CEP43: variants seen among roughly 807,000 people sequenced by gnomAD.
CEP43 encodes centrosomal protein 43, also known as FGFR1 oncogene partner.
A neutral mutation model predicts 52.6 loss-of-function variants in CEP43; 36 were observed. That is an observed-to-expected ratio of 0.68 (90% CI 0.52 to 0.90). The LOEUF is 0.90. Among genes scored for constraint, CEP43 ranks in the 40% least tolerant of loss-of-function variants. CEP43 has a pLI of 0.00. For missense variants in CEP43, 506 were observed against 472.8 expected (o/e 1.07, Z -0.65); for synonymous variants, 192 against 172.4 (o/e 1.11, Z -0.89).
intron 10 of CEP43, chr6:167,027,826 T>A: frequency 2.0e-6 from 2 of 977,306 alleles, no homozygotes; most frequent in South Asian, 9.5e-5. Flanking sequence ...GCCTAGTAAA[T>A]GTTAGTTTTC....
intron 1 of CEP43, 22 bp downstream of exon 1, chr6:166,999,536 G>A: frequency 1.4e-6 from 2 of 1,386,008 alleles, no homozygotes; most frequent in South Asian, 3.2e-5. Flanking sequence ...GGCTGGGGCC[G>A]GGCCTGGCGG....
chr6:167,040,992 C>T lies in CEP43; in HGVS notation c.*1014C>T. The T allele has an allele frequency of 9.8e-7, 1 of 1,025,084 alleles. No individual in the cohort carries two copies. Among genetic ancestry groups the T allele is most frequent in the Non-Finnish European group, 1.2e-6 (1 of 852,890 alleles). 63.5% of individuals were successfully genotyped at this position (1,025,084 alleles called of 1,614,324 possible). On this transcript the variant is annotated 3_prime_UTR_variant, in exon 13 of 13. Coordinates refer to ENST00000366847, the MANE Select transcript of CEP43 (RefSeq NM_007045.4). ...ATGTAGGTCACGGATGTTTATAATA[C>T]TAAAGTATTTTAAAATGTGCAAGTA...
intron 10 of CEP43, 121 bp downstream of exon 10, chr6:167,026,736 A>T: frequency 1.5e-6 from 1 of 660,992 alleles, no homozygotes; most frequent in Non-Finnish European, 2.7e-6. Flanking sequence ...CTCATTCAGC[A>T]GGTGTTTGAA....
At chr6:167,007,205 A>G (rs1370544358) in intron 5 of CEP43, among the ~76,000 whole-genome samples, 1 of 152,220 alleles carries the variant, frequency 6.6e-6, no homozygotes, top group African/African-American at 2.4e-5. Context: ...TCTGCTAGAT[A>G]GGAGTGTACC....
Sources: allele counts gnomAD v4.1 joint callset (sites outside exome capture counted in the v4.1 genomes callset), GRCh38; gene constraint gnomAD v4.1.1; transcripts MANE v1.5; gene names NCBI Gene and HGNC (gene_info 2026-07-23, HGNC 2026-07-21).